The following FAXDC2 variants were observed in gnomAD, a reference collection of about 807,000 sequenced individuals.
The protein encoded by FAXDC2 is fatty acid hydroxylase domain-containing protein 2.
Under a neutral mutation model 40.9 loss-of-function variants are expected in FAXDC2, and 41 were observed. The ratio of observed to expected loss-of-function variants is 1.00; its 90% CI spans 0.78 to 1.30. FAXDC2 has a LOEUF of 1.30. Among genes scored for constraint, FAXDC2 ranks in the 50% most tolerant of loss-of-function variants. The probability of loss-of-function intolerance (pLI) is 0.00; values close to 1 mark genes in which losing one functional copy is unlikely to be tolerated. For missense variants in FAXDC2, 390 were observed against 408.8 expected (o/e 0.95, Z 0.40); for synonymous variants, 157 against 149.3 (o/e 1.05, Z -0.38).
Position 154,820,056 on chromosome 5 carries a change from CT to C in FAXDC2, c.*259del. On this transcript the variant is annotated 3_prime_UTR_variant, in exon 9 of 9. Coordinates refer to ENST00000326080, the MANE Select transcript of FAXDC2 (RefSeq NM_032385.5). The stretch of plus-strand genomic sequence containing the variant: ...GCAGAGGACCAGGGGTCTCCTCCCT[CT>C]GACCAGCCTCCAGTCTGGGGAGCTG... 2.8e-6 allele frequency: 1 copy of C among 362,804 alleles called. No individual in the cohort carries two copies. Among genetic ancestry groups the C allele is most frequent in the Non-Finnish European group, 5.3e-6 (1 of 187,392 alleles). The allele number at this position is 362,804 out of a possible 1,614,324, so 22.5% of individuals were successfully genotyped here. A position where few individuals can be genotyped will look rare whatever the true frequency, so the allele number is the denominator to read the frequency against.
intron 1 of FAXDC2, among the ~76,000 whole-genome samples, chr5:154,844,829 G>C (rs1000288502): frequency 6.6e-6 from 1 of 152,228 alleles, no homozygotes; most frequent in Admixed American, 6.5e-5. Flanking sequence ...CTACAGGGCA[G>C]AGTGCTGATC....
chr5:154,825,650 CAAAAAA>C (rs386358555), intron 5 of FAXDC2, among the ~76,000 whole-genome samples: 1 of 30,148 alleles, frequency 3.3e-5, no homozygotes, highest in East Asian at 5.3e-4. Context: ...GACTCCGTCT[CAAAAAA>C]AAAAAAAAAA....
rs1759913380 is a variant in FAXDC2 at position 154,822,487 on chromosome 5, G to A, written c.663C>T (p.His221=). The A allele has an allele frequency of 6.2e-7, 1 of 1,611,122 alleles. No homozygotes were observed. Among genetic ancestry groups the A allele is most frequent in the Non-Finnish European group, 8.5e-7 (1 of 1,177,412 alleles). Residue 221 remains histidine, a synonymous_variant, in exon 7 of 9, where the codon CAC becomes CAT. Coordinates refer to ENST00000326080, the MANE Select transcript of FAXDC2 (RefSeq NM_032385.5). ...CTCTACTCACTGCATGCTCTATAGG[G>A]TGGGCATAGAGAGAGATCACGCCAA... ...APIGVISLYA[H]PIEHAVSNML...
intron 1 of FAXDC2, among the ~76,000 whole-genome samples, chr5:154,841,572 C>A (rs1421237849): frequency 1.3e-5 from 2 of 152,136 alleles, no homozygotes; most frequent in Non-Finnish European, 2.9e-5. Flanking sequence ...TATGAAGATT[C>A]CAAAGAATTA....
rs112016466 is a variant in FAXDC2 at position 154,838,280 on chromosome 5, G to GAA, written c.1-104_1-103dup. ...AAGTGTATGGCTAGCAGTGATTTTT[G>GAA]AAAAAAAAAAAAATTGGCTTGTTGT... On this transcript the variant is annotated intron_variant, in intron 1 of 8. Coordinates refer to ENST00000326080, the MANE Select transcript of FAXDC2 (RefSeq NM_032385.5). The GAA allele has an allele frequency of 2.9e-3, 2,233 of 763,470 alleles. 8 individuals are homozygous for GAA. The highest frequency in any genetic ancestry group is 0.022 in the African/African-American group (1,160 of 51,820). The allele number at this position is 763,470 out of a possible 1,614,324, so 47.3% of individuals were successfully genotyped here.
intron 5 of FAXDC2, among the ~76,000 whole-genome samples, chr5:154,829,927 A>AG (rs1303068434): frequency 2.0e-5 from 3 of 152,130 alleles, no homozygotes; most frequent in Admixed American, 6.6e-5. Context: ...GTCCCAAGTG[A>AG]GGGGGACAGT....
chr5:154,830,031 A>G lies in FAXDC2; in HGVS notation c.366+770T>C, dbSNP rs185140976. On this transcript the variant is annotated intron_variant, in intron 5 of 8. Coordinates refer to ENST00000326080, the MANE Select transcript of FAXDC2 (RefSeq NM_032385.5). ...CTTTCTGGAGTGCTGGGCTGGGGCAAAAGGACCTGAGAGCTGAGGTGGTTC... is the reference window on the plus strand; with the variant it reads ...CTTTCTGGAGTGCTGGGCTGGGGCAGAAGGACCTGAGAGCTGAGGTGGTTC... Among the ~76,000 whole-genome samples, 12 of 152,300 alleles carry G rather than the reference A, an allele frequency of 7.9e-5. No homozygotes were observed. The East Asian group carries it at 2.1e-3, about 27-fold the overall frequency.
chr5:154,835,937 A>G (rs1406385392), intron 2 of FAXDC2, among the ~76,000 whole-genome samples: 1 of 110,684 alleles, frequency 9.0e-6, no homozygotes, highest in East Asian at 2.9e-4. Context: ...TCTGTCACCC[A>G]GGCTGGAGTG....
chr5:154,841,151 T>C (rs1760467989), intron 1 of FAXDC2, among the ~76,000 whole-genome samples: 1 of 152,104 alleles, frequency 6.6e-6, no homozygotes, highest in Non-Finnish European at 1.5e-5. Flanking sequence ...GGAATGGGTT[T>C]CAGACACTCT....
Position 154,821,358 on chromosome 5 carries a change from C to T in FAXDC2, c.747G>A (p.Met249Ile). ...VMGSHLSSIT[M>I]WFSLALIITT... is the part of the protein sequence containing the mutation. The stretch of plus-strand genomic sequence containing the variant: ...TGATGATGAGGGCCAAGGAAAACCA[C>T]ATGGTGATGGAGGACAAGTGGGAGC... Residue 249 changes from methionine (M) to isoleucine (I), a missense_variant, in exon 8 of 9, where the codon ATG becomes ATA. Met to Ile is a conservative substitution (Grantham distance 10, BLOSUM62 1). Coordinates refer to ENST00000326080, the MANE Select transcript of FAXDC2 (RefSeq NM_032385.5). The T allele has an allele frequency of 6.2e-7, 1 of 1,611,420 alleles. No homozygotes were observed. The highest frequency in any genetic ancestry group is 1.1e-5 in the South Asian group (1 of 90,770).
At chr5:154,830,678 C>G (rs988318145) in intron 5 of FAXDC2, 123 bp downstream of exon 5, 2 of 1,109,988 alleles carry the variant, frequency 1.8e-6, no homozygotes, top group African/African-American at 1.6e-5. Flanking sequence ...ACTGGGGGAG[C>G]CTTGTTGCTA....
chr5:154,820,630 C>G, intron 8 of FAXDC2, 158 bp from the exon 9 acceptor site: 1 of 571,838 alleles, frequency 1.7e-6, no homozygotes, highest in Non-Finnish European at 3.1e-6. Context: ...GGAGTTGCTA[C>G]CAATGCATCT....
At chr5:154,850,079 G>A (rs529302287) in intron 1 of FAXDC2, among the ~76,000 whole-genome samples, 1 of 152,242 alleles carries the variant, frequency 6.6e-6, no homozygotes, top group Non-Finnish European at 1.5e-5. Flanking sequence ...GGCAGCAGTT[G>A]CTTCCCAACA....
At chr5:154,841,258 T>C (rs1447266759) in intron 1 of FAXDC2, among the ~76,000 whole-genome samples, 3 of 152,206 alleles carry the variant, frequency 2.0e-5, no homozygotes, top group Admixed American at 6.5e-5. Context: ...CAAGGGAAGC[T>C]ACTGAGGCTT....
At chr5:154,826,998 A>T (rs1175021848) in intron 5 of FAXDC2, among the ~76,000 whole-genome samples, 1 of 152,140 alleles carries the variant, frequency 6.6e-6, no homozygotes, top group African/African-American at 2.4e-5. Flanking sequence ...TAATTACAGG[A>T]TGTTGGGGAA....
intron 5 of FAXDC2, among the ~76,000 whole-genome samples, chr5:154,825,058 TAAAAAA>T (rs70981952): frequency 2.2e-5 from 2 of 90,164 alleles, no homozygotes; most frequent in East Asian, 3.5e-4. Context: ...CCAATCTTGT[TAAAAAA>T]AAAAAAAAAA....
In FAXDC2 at chr5:154,834,693, A is replaced by T. The variant is rs760979375; in HGVS notation, c.176T>A (p.Phe59Tyr). 7.4e-6 allele frequency: 12 copies of T among 1,613,408 alleles called. No individual in the cohort carries two copies. The Admixed American group carries it at 2.0e-4, about 27-fold the overall frequency. Reference sequence around the variant, plus strand: ...CAGCCTCTCCCACTGGGCTTGCCAAAAGTAGCCAGAAGCACCCCAAAATCT... The same window carrying T: ...CAGCCTCTCCCACTGGGCTTGCCAATAGTAGCCAGAAGCACCCCAAAATCT... ...LQRFWGASGY[F>Y]WQAQWERLLT... Residue 59 changes from phenylalanine to tyrosine, a missense_variant, in exon 4 of 9, where the codon TTT becomes TAT. Physicochemically the swap from Phe to Tyr is conservative, Grantham distance 22 (BLOSUM62 3). Coordinates refer to ENST00000326080, the MANE Select transcript of FAXDC2 (RefSeq NM_032385.5).
chr5:154,824,883 A>G (rs1479235497), intron 5 of FAXDC2, among the ~76,000 whole-genome samples: 1 of 151,400 alleles, frequency 6.6e-6, no homozygotes, highest in Non-Finnish European at 1.5e-5. Flanking sequence ...GAGGCCAGGA[A>G]TTTGAGAGCA....
At chr5:154,825,668 A>AAAAAAAG (rs70981954) in intron 5 of FAXDC2, among the ~76,000 whole-genome samples, 1 of 143,350 alleles carries the variant, frequency 7.0e-6, no homozygotes, top group African/African-American at 2.6e-5. Context: ...AAAAAAAAAA[A>AAAAAAAG]GCAGTAATAT....
Sources: gnomAD v4.1 joint callset for allele counts (sites outside exome capture counted in the v4.1 genomes callset) on GRCh38, gnomAD v4.1.1 for gene constraint, MANE v1.5 for transcripts, NCBI Gene and HGNC (gene_info 2026-07-23, HGNC 2026-07-21) for gene names.